ZNF316: variants seen among roughly 807,000 people sequenced by gnomAD.
The protein encoded by ZNF316 is zinc finger protein 316.
A neutral mutation model predicts 75.6 loss-of-function variants in ZNF316; 23 were observed. The ratio of observed to expected loss-of-function variants is 0.30; its 90% CI spans 0.22 to 0.43. The LOEUF (loss-of-function observed/expected upper bound fraction) is 0.43, where lower values mean the gene tolerates loss of function less well. Among genes scored for constraint, ZNF316 ranks in the 20% least tolerant of loss-of-function variants. ZNF316 has a pLI of 1.00. For missense variants in ZNF316, 1,266 were observed against 1,409.4 expected (o/e 0.90, Z 1.63); for synonymous variants, 827 against 666.2 (o/e 1.24, Z -3.72).
chr7:6,653,502 CT>C lies in ZNF316; in HGVS notation c.1907del (p.Leu636ArgfsTer155). ...PVDGRPLPAPLGGPLSLVEGT... is the reference protein window; with the variant it reads ...PVDGRPLPAPXGGPLSLVEGT... ...CGACGGGCGCCCGCTCCCGGCGCCC[CT>C]GGGGGGCCCGCTCTCCCTGGTGGAG... On this transcript the variant is annotated frameshift_variant, in exon 9 of 9. Transcript: ENST00000382252. LOFTEE classifies it high-confidence loss of function. 8.2e-7 allele frequency: 1 copy of C among 1,220,848 alleles called. No individual in the cohort carries two copies. Among genetic ancestry groups the C allele is most frequent in the Non-Finnish European group, 1.0e-6 (1 of 980,820 alleles). 75.6% of individuals were successfully genotyped at this position (1,220,848 alleles called of 1,614,324 possible). A position where few individuals can be genotyped will look rare whatever the true frequency, so the allele number is the denominator to read the frequency against.
At chr7:6,647,236 C>T in intron 8 of ZNF316, among the ~76,000 whole-genome samples, 1 of 152,160 alleles carries the variant, frequency 6.6e-6, no homozygotes, top group Non-Finnish European at 1.5e-5. Flanking sequence ...AGGCCCAGTG[C>T]CTGTCCTCAG....
intron 8 of ZNF316, among the ~76,000 whole-genome samples, chr7:6,651,380 C>A (rs1204600978): frequency 6.6e-6 from 1 of 151,258 alleles, no homozygotes; most frequent in Admixed American, 6.6e-5. Flanking sequence ...AAAGGCTGGG[C>A]GCGGTGGGTC....
chr7:6,645,688 A>G (rs1043588465), intron 8 of ZNF316, among the ~76,000 whole-genome samples: 4 of 144,596 alleles, frequency 2.8e-5, no homozygotes, highest in African/African-American at 5.2e-5. Flanking sequence ...TGTCTCAAAA[A>G]TTAAAAAAGA....
rs1779286081 is a variant in ZNF316 at position 6,640,142 on chromosome 7, T to A, written c.-167+1001T>A. 6.6e-6 allele frequency among the ~76,000 whole-genome samples: 1 copy of A among 152,272 alleles called. No homozygotes were observed. The highest frequency in any genetic ancestry group is 2.4e-5 in the African/African-American group (1 of 41,552). ...TGAATGCTCAGAGCTTCCTGGCTAT[T>A]AAAGTGTGGATTTTAAAGCAACTGC... On this transcript the variant is annotated intron_variant, in intron 3 of 8. Transcript: ENST00000382252. This position sits in a 1 kb window ranked among gnomAD's most constrained non-coding sequence, Gnocchi z 5.1.
At chr7:6,648,267 G>A (rs541142385) in intron 8 of ZNF316, among the ~76,000 whole-genome samples, 82 of 151,836 alleles carry the variant, frequency 5.4e-4, no homozygotes, top group Non-Finnish European at 1.0e-3. Context: ...GCCTGCCCCC[G>A]GGGCACAGGG....
rs924050805 is a variant in ZNF316, at chr7:6,642,920, C to T, written c.356-44C>T. The T allele has an allele frequency of 4.9e-6, 6 of 1,232,434 alleles. No individual in the cohort carries two copies. The Middle Eastern group carries it at 9.3e-4, about 191-fold the overall frequency. The allele number at this position is 1,232,434 out of a possible 1,614,324, so 76.3% of individuals were successfully genotyped here. ...TTGCCAGGGCTCCTGGCCCTGCAGG[C>T]TGGGGGCTCAGGGCAGCTGGCCCTA... On this transcript the variant is annotated intron_variant, in intron 5 of 8. Transcript: ENST00000382252. This position sits in a 1 kb window ranked among gnomAD's most constrained non-coding sequence, Gnocchi z 8.1.
chr7:6,638,760 G>T (rs1287474407), intron 2 of ZNF316, among the ~76,000 whole-genome samples: 1 of 152,182 alleles, frequency 6.6e-6, no homozygotes, highest in Non-Finnish European at 1.5e-5. Flanking sequence ...GATGACGTTG[G>T]TGAAGCTCCC....
intron 7 of ZNF316, 25 bp downstream of exon 7, chr7:6,643,973 A>G: frequency 8.1e-7 from 1 of 1,232,182 alleles, no homozygotes; most frequent in African/African-American, 1.5e-5. Flanking sequence ...TTTTGTCCCC[A>G]AGAGGCAGCC....
intron 3 of ZNF316, among the ~76,000 whole-genome samples, chr7:6,641,221 T>C (rs1583439562): frequency 1.3e-5 from 2 of 152,168 alleles, no homozygotes; most frequent in Non-Finnish European, 2.9e-5. Flanking sequence ...TGAGCTAGGG[T>C]GGGCCCAGTG....
Position 6,653,326 on chromosome 7 carries a change from G to A in ZNF316, c.1730G>A (p.Arg577His), listed in dbSNP as rs1177772817. 8.2e-6 allele frequency: 10 copies of A among 1,226,310 alleles called. No homozygotes were observed. Among genetic ancestry groups the A allele is most frequent in the African/African-American group, 4.7e-5 (3 of 64,128 alleles). The allele number at this position is 1,226,310 out of a possible 1,614,324, so 76.0% of individuals were successfully genotyped here. A position where few individuals can be genotyped will look rare whatever the true frequency, so the allele number is the denominator to read the frequency against. ...SGKVDPAPER[R>H]FLELGNGLGE... is the part of the protein sequence containing the mutation. ...AAGGTGGACCCCGCGCCGGAACGGC[G>A]CTTCCTGGAGCTGGGCAACGGCCTG... Residue 577 changes from arginine (R) to histidine (H), a missense_variant, in exon 9 of 9, where the codon CGC becomes CAC. By Grantham distance (29) the Arg-to-His change is conservative. Coordinates refer to ENST00000382252, the MANE Select transcript of ZNF316 (RefSeq NM_001278559.2).
Position 6,642,441 on chromosome 7 carries a change from C to T in ZNF316, c.32C>T (p.Pro11Leu). The T allele has an allele frequency of 8.1e-7, 1 of 1,232,248 alleles. No individual in the cohort carries two copies. The highest frequency in any genetic ancestry group is 1.0e-6 in the Non-Finnish European group (1 of 988,066). The allele number at this position is 1,232,248 out of a possible 1,614,324, so 76.3% of individuals were successfully genotyped here. Residue 11 changes from proline (P) to leucine (L), a missense_variant, in exon 5 of 9, where the codon CCA becomes CTA. This residue lies in a region of ZNF316 where 961 missense variants were observed against 990.9 expected (regional missense o/e 0.97). Transcript: ENST00000382252. This position sits in a 1 kb window ranked among gnomAD's most constrained non-coding sequence, Gnocchi z 8.1. MAALHTTPDS[P>L]AAQLERAEDG... ...GCGCTCCACACGACTCCCGACTCCCCAGCTGCCCAGCTGGAGCGGGCAGAG... is the reference window on the plus strand; with the variant it reads ...GCGCTCCACACGACTCCCGACTCCCTAGCTGCCCAGCTGGAGCGGGCAGAG...
At chr7:6,651,222 A>C (rs899620526) in intron 8 of ZNF316, among the ~76,000 whole-genome samples, 2 of 152,002 alleles carry the variant, frequency 1.3e-5, no homozygotes, top group Admixed American at 1.3e-4. Flanking sequence ...ATCTGGGCGC[A>C]CGCCTGTAAC....
At chr7:6,644,683 G>T in intron 8 of ZNF316, 90 bp downstream of exon 8, 1 of 645,772 alleles carries the variant, frequency 1.5e-6, no homozygotes, top group East Asian at 3.5e-5. Flanking sequence ...CTGCAGACCT[G>T]GTACCTGGTG....
intron 8 of ZNF316, among the ~76,000 whole-genome samples, chr7:6,647,868 G>A (rs1479814988): frequency 6.6e-6 from 1 of 152,182 alleles, no homozygotes; most frequent in Non-Finnish European, 1.5e-5. Flanking sequence ...TTCTGGGTCA[G>A]GCATGTGGCT....
chr7:6,643,063 C>G lies in ZNF316; in HGVS notation c.455C>G (p.Ala152Gly). The G allele has an allele frequency of 8.1e-7, 1 of 1,236,166 alleles. No homozygotes were observed. Among genetic ancestry groups the G allele is most frequent in the Non-Finnish European group, 1.0e-6 (1 of 990,402 alleles). 76.6% of individuals were successfully genotyped at this position (1,236,166 alleles called of 1,614,324 possible). A position where few individuals can be genotyped will look rare whatever the true frequency, so the allele number is the denominator to read the frequency against. The part of the protein sequence containing the change: ...EDEDEDDLLT[A>G]GCQELVTFED... ...GAGGACGAGGATGATTTGCTGACGG[C>G]TGGGTGTCAGGTGAGCCGCCCTCTC... The change falls in exon 6 of 9, where the codon GCT becomes GGT. Residue 152 changes from alanine (A) to glycine (G), a missense_variant. Physicochemically the swap from Ala to Gly is moderately conservative, Grantham distance 60. This residue lies in a region of ZNF316 where 961 missense variants were observed against 990.9 expected (regional missense o/e 0.97). Coordinates refer to ENST00000382252, the MANE Select transcript of ZNF316 (RefSeq NM_001278559.2).
chr7:6,645,260 G>A (rs1779379133), intron 8 of ZNF316, among the ~76,000 whole-genome samples: 1 of 152,224 alleles, frequency 6.6e-6, no homozygotes, highest in Non-Finnish European at 1.5e-5. Flanking sequence ...CCTTAGTGGT[G>A]TCTGAGGGGC....
rs1779536161 is a variant in ZNF316 at position 6,652,865 on chromosome 7, T to C, written c.1269T>C (p.His423=). The C allele has an allele frequency of 1.6e-6, 2 of 1,242,252 alleles. No individual in the cohort carries two copies. The highest frequency in any genetic ancestry group is 1.6e-5 in the African/African-American group (1 of 63,784). 77.0% of individuals were successfully genotyped at this position (1,242,252 alleles called of 1,614,324 possible). Residue 423 remains histidine, a synonymous_variant, in exon 9 of 9, where the codon CAT becomes CAC. Coordinates refer to ENST00000382252, the MANE Select transcript of ZNF316 (RefSeq NM_001278559.2). ...ACCTGGTTACGCACCGACGCATCCA[T>C]ACTGGCGAGCGGCCCTACCGCTGCG... ...KSHLVTHRRI[H]TGERPYRCAF... is the part of the protein sequence containing the mutation.
chr7:6,644,461 C>T lies in ZNF316; in HGVS notation c.593-19C>T, dbSNP rs745651029. ...GGCCCACGGGAGCCGCCTGCAGCCG[C>T]CGTCTGTTCTCCTGGCAGGATACCC... On this transcript the variant is annotated intron_variant, in intron 7 of 8. Coordinates refer to ENST00000382252, the MANE Select transcript of ZNF316 (RefSeq NM_001278559.2). The T allele has an allele frequency of 6.5e-6, 8 of 1,227,176 alleles. No individual in the cohort carries two copies. The highest frequency in any genetic ancestry group is 8.4e-5 in the Admixed American group (2 of 23,684). 76.0% of individuals were successfully genotyped at this position (1,227,176 alleles called of 1,614,324 possible).
rs1323275077 is a variant in ZNF316 at position 6,656,592 on chromosome 7, G to C, written c.*1981G>C. On this transcript the variant is annotated 3_prime_UTR_variant, in exon 9 of 9. Coordinates refer to ENST00000382252, the MANE Select transcript of ZNF316 (RefSeq NM_001278559.2). ...GATGGCCCATGAGGAGTTGGCCCCAGGCCAGTGTGGCCCCGTGCTGCCCAT... is the reference window on the plus strand; with the variant it reads ...GATGGCCCATGAGGAGTTGGCCCCACGCCAGTGTGGCCCCGTGCTGCCCAT... Among the ~76,000 whole-genome samples the C allele has an allele frequency of 2.6e-5, 4 of 152,252 alleles. No homozygotes were observed. The highest frequency in any genetic ancestry group is 4.4e-5 in the Non-Finnish European group (3 of 68,048).
Sources: allele counts gnomAD v4.1 joint callset (sites outside exome capture counted in the v4.1 genomes callset), GRCh38; gene constraint gnomAD v4.1.1; regional missense constraint gnomAD v4.1.1; non-coding constraint Gnocchi (gnomAD v3.1); transcripts MANE v1.5; gene names NCBI Gene and HGNC (gene_info 2026-07-23, HGNC 2026-07-21).